Variants in RNFT2 observed in about 807,000 individuals in gnomAD.
The protein encoded by RNFT2 is ring finger protein, transmembrane 2, also known as E3 ubiquitin-protein ligase RNFT2.
In RNFT2, 36 loss-of-function variants were observed where a neutral mutation model predicts 53.0. That is an observed-to-expected ratio of 0.68 (90% CI 0.52 to 0.90). RNFT2 has a LOEUF of 0.90. RNFT2 is among the 40% of genes least tolerant of loss of function. The pLI is 0.00. For missense variants in RNFT2, 514 were observed against 585.6 expected (o/e 0.88, Z 1.26); for synonymous variants, 260 against 253.2 (o/e 1.03, Z -0.26).
At chr12:116,841,363 G>T (rs1877238716) in intron 10 of RNFT2, among the ~76,000 whole-genome samples, 1 of 152,084 alleles carries the variant, frequency 6.6e-6, no homozygotes, top group Admixed American at 6.5e-5. Context: ...TGAGGTGAGA[G>T]GATTGCCTGA....
chr12:116,801,743 T>C (rs940699323), intron 7 of RNFT2, among the ~76,000 whole-genome samples: 1 of 152,230 alleles, frequency 6.6e-6, no homozygotes, highest in Non-Finnish European at 1.5e-5. Context: ...ACTATGTTTC[T>C]GGGCCCTTAG....
intron 7 of RNFT2, among the ~76,000 whole-genome samples, chr12:116,781,377 AT>A (rs1873691361): frequency 6.6e-6 from 1 of 152,170 alleles, no homozygotes; most frequent in African/African-American, 2.4e-5. Context: ...AGGCAGAGGT[AT>A]TTATTCCCCC....
intron 6 of RNFT2, among the ~76,000 whole-genome samples, chr12:116,769,380 G>A (rs1420029030): frequency 6.6e-6 from 1 of 152,150 alleles, no homozygotes; most frequent in Non-Finnish European, 1.5e-5. Flanking sequence ...CTTAGGCAGT[G>A]CCTTTCAGAA....
chr12:116,834,856 T>TA (rs1454917353), intron 8 of RNFT2, among the ~76,000 whole-genome samples: 1 of 151,542 alleles, frequency 6.6e-6, no homozygotes, highest in African/African-American at 2.4e-5. Context: ...ACTCCTTTTT[T>TA]TTTTTTTTTT....
At chr12:116,787,816 C>T (rs1429899352) in intron 7 of RNFT2, among the ~76,000 whole-genome samples, 4 of 152,102 alleles carry the variant, frequency 2.6e-5, no homozygotes, top group Non-Finnish European at 4.4e-5. Context: ...CATCATGGGT[C>T]CCACCTCCCT....
At position 116,740,434 on chromosome 12, in the gene RNFT2, C is replaced by T. The variant is rs1871552365; in HGVS notation, c.-64C>T. ...CCTGTCCTCTCTGGGATCCATTGGT[C>T]ACATCCCCCTGAGGATTCCCGAATG... On this transcript the variant is annotated 5_prime_UTR_variant, in exon 2 of 11. Coordinates refer to ENST00000257575, the MANE Select transcript of RNFT2 (RefSeq NM_001382266.1). 2.0e-6 allele frequency: 3 copies of T among 1,504,568 alleles called. No homozygotes were observed. Among genetic ancestry groups the T allele is most frequent in the Non-Finnish European group, 2.7e-6 (3 of 1,103,176 alleles). The allele number at this position is 1,504,568 out of a possible 1,614,324, so 93.2% of individuals were successfully genotyped here. A position where few individuals can be genotyped will look rare whatever the true frequency, so the allele number is the denominator to read the frequency against.
intron 7 of RNFT2, among the ~76,000 whole-genome samples, chr12:116,807,979 T>G (rs982434316): frequency 6.6e-6 from 1 of 152,294 alleles, no homozygotes; most frequent in Admixed American, 6.5e-5. Flanking sequence ...TTTTTAATTT[T>G]TTCTTTTTAA....
chr12:116,771,492 A>ATGT lies in RNFT2; in HGVS notation c.728+4578_728+4579insTGT, dbSNP rs751202230. Among the ~76,000 whole-genome samples, 13 of 109,270 alleles carry ATGT rather than the reference A, an allele frequency of 1.2e-4. 2 individuals carry two copies. The highest frequency in any genetic ancestry group is 3.4e-4 in the Admixed American group (3 of 8,738). The allele number at this position is 109,270 out of a possible 152,430, so 71.7% of individuals were successfully genotyped here. ...AAAAAAAAAAAAAAAAAAAAAAAAA[A>ATGT]AAATACGTATATGAGCAATTTTATT... On this transcript the variant is annotated intron_variant, in intron 6 of 10. Coordinates refer to ENST00000257575, the MANE Select transcript of RNFT2 (RefSeq NM_001382266.1).
Position 116,843,758 on chromosome 12 carries a change from C to G in RNFT2, c.1201-5556C>G, listed in dbSNP as rs139624416. 4.8e-3 allele frequency among the ~76,000 whole-genome samples: 729 copies of G among 152,272 alleles called. 7 individuals are homozygous for G. The highest frequency in any genetic ancestry group is 0.016 in the African/African-American group (658 of 41,556). On this transcript the variant is annotated intron_variant, in intron 10 of 10. Coordinates refer to ENST00000257575, the MANE Select transcript of RNFT2 (RefSeq NM_001382266.1). ...TCATTTGACACCAGATTCTGTCCTC[C>G]CATTTCTCTGAGGAAGGGATTGTGA...
chr12:116,763,632 A>C (rs376248570), intron 5 of RNFT2, among the ~76,000 whole-genome samples: 7 of 143,808 alleles, frequency 4.9e-5, no homozygotes, highest in Non-Finnish European at 1.1e-4. Context: ...AAAAAAAATT[A>C]GCTGGATGTG....
chr12:116,805,234 C>G (rs1874988916), intron 7 of RNFT2, among the ~76,000 whole-genome samples: 1 of 148,288 alleles, frequency 6.7e-6, no homozygotes, highest in Non-Finnish European at 1.5e-5. Flanking sequence ...TTTGATTTTT[C>G]TTTGCCTAAC....
chr12:116,745,950 G>C (rs1871872451), intron 3 of RNFT2, among the ~76,000 whole-genome samples: 1 of 151,982 alleles, frequency 6.6e-6, no homozygotes, highest in Non-Finnish European at 1.5e-5. Flanking sequence ...ACTGTAGCGG[G>C]GGGCAGTGGG....
Position 116,852,806 on chromosome 12 carries a change from TC to T in RNFT2, c.*3360del. On this transcript the variant is annotated 3_prime_UTR_variant, in exon 11 of 11. Coordinates refer to ENST00000257575, the MANE Select transcript of RNFT2 (RefSeq NM_001382266.1). The stretch of plus-strand genomic sequence containing the variant: ...GTCACTCAGCCTCCCTGTAGCCATC[TC>T]CAGGGTGACGGAACCCAGTGTATTA... 2 of 1,261,792 alleles carry T rather than the reference TC, an allele frequency of 1.6e-6. No homozygotes were observed. Among genetic ancestry groups the T allele is most frequent in the African/African-American group, 1.5e-5 (1 of 68,110 alleles). The allele number at this position is 1,261,792 out of a possible 1,614,324, so 78.2% of individuals were successfully genotyped here. A position where few individuals can be genotyped will look rare whatever the true frequency, so the allele number is the denominator to read the frequency against.
At chr12:116,759,885 G>C (rs1021844009) in intron 5 of RNFT2, among the ~76,000 whole-genome samples, 1 of 152,168 alleles carries the variant, frequency 6.6e-6, no homozygotes, top group Non-Finnish European at 1.5e-5. Flanking sequence ...CTGTGGTAGC[G>C]TGGCGAGGAA....
intron 3 of RNFT2, among the ~76,000 whole-genome samples, chr12:116,745,277 C>G (rs150823687): frequency 6.7e-6 from 1 of 149,978 alleles, no homozygotes; most frequent in South Asian, 2.1e-4. Context: ...CCGGTTCAAG[C>G]GATTCTCCTG....
At chr12:116,785,385 C>T (rs2137125072) in intron 7 of RNFT2, among the ~76,000 whole-genome samples, 1 of 151,970 alleles carries the variant, frequency 6.6e-6, no homozygotes, top group South Asian at 2.1e-4. Context: ...CTCAACCTCC[C>T]GGGCTCAAGT....
At chr12:116,799,733 G>T (rs1874673355) in intron 7 of RNFT2, among the ~76,000 whole-genome samples, 1 of 152,262 alleles carries the variant, frequency 6.6e-6, no homozygotes, top group Middle Eastern at 3.4e-3. Context: ...GATGTGGGCA[G>T]ATCACCTGAG....
chr12:116,819,212 G>A (rs1875854003), intron 7 of RNFT2, among the ~76,000 whole-genome samples: 2 of 152,356 alleles, frequency 1.3e-5, no homozygotes, highest in South Asian at 4.1e-4. Context: ...GGGGTGAAAT[G>A]TCCAAATAAG....
intron 7 of RNFT2, among the ~76,000 whole-genome samples, chr12:116,829,702 C>A (rs1876536481): frequency 6.6e-6 from 1 of 152,182 alleles, no homozygotes; most frequent in Admixed American, 6.5e-5. Context: ...TCAAGTGATT[C>A]TCATGTAGCT....
Sources: gnomAD v4.1 joint callset for allele counts (sites outside exome capture counted in the v4.1 genomes callset) on GRCh38, gnomAD v4.1.1 for gene constraint, MANE v1.5 for transcripts, NCBI Gene and HGNC (gene_info 2026-07-23, HGNC 2026-07-21) for gene names.